The following ROBO1 variants were observed in gnomAD, a reference collection of about 807,000 sequenced individuals.
ROBO1 encodes the protein roundabout homolog 1.
Under a neutral mutation model 195.9 loss-of-function variants are expected in ROBO1, and 149 were observed. That is an observed-to-expected ratio of 0.76 (90% CI 0.67 to 0.87). The LOEUF (loss-of-function observed/expected upper bound fraction) is 0.87. Ranked by LOEUF, ROBO1 falls within the 40% of genes least tolerant of loss-of-function variation. The pLI, the probability that ROBO1 is intolerant of heterozygous loss-of-function variation, is 0.00. For synonymous variants in ROBO1, 816 were observed against 733.2 expected (o/e 1.11, Z -1.82); for missense variants, 1,933 against 2,068.3 (o/e 0.93, Z 1.27).
At chr3:79,213,776 G>A (rs549053818) in intron 2 of ROBO1, among the ~76,000 whole-genome samples, 1 of 146,256 alleles carries the variant, frequency 6.8e-6, no homozygotes, top group South Asian at 2.2e-4. Flanking sequence ...TTTTTGCCCA[G>A]TAAAAATCCA....
At chr3:79,672,419 G>A (rs751393689) in intron 1 of ROBO1, among the ~76,000 whole-genome samples, 13 of 151,968 alleles carry the variant, frequency 8.6e-5, no homozygotes, top group Non-Finnish European at 1.8e-4. Context: ...CCTTTAGACA[G>A]AATTCTAACA....
intron 2 of ROBO1, among the ~76,000 whole-genome samples, chr3:79,405,937 T>C (rs1262414198): frequency 6.6e-6 from 1 of 152,150 alleles, no homozygotes; most frequent in Non-Finnish European, 1.5e-5. Context: ...CAGTATTAAG[T>C]TCTTGGGGAA....
At chr3:79,760,583 G>A (rs1704646565) in intron 1 of ROBO1, among the ~76,000 whole-genome samples, 1 of 145,358 alleles carries the variant, frequency 6.9e-6, no homozygotes, top group Non-Finnish European at 1.5e-5. Context: ...CTAGAGAAAT[G>A]GGTAAAAATT....
At chr3:79,570,535 T>C (rs1453904952) in intron 2 of ROBO1, among the ~76,000 whole-genome samples, 1 of 152,058 alleles carries the variant, frequency 6.6e-6, no homozygotes, top group Non-Finnish European at 1.5e-5. Context: ...TGTACATAGC[T>C]AAAACAAAAT....
intron 4 of ROBO1, among the ~76,000 whole-genome samples, chr3:78,754,898 C>G (rs1388502527): frequency 6.6e-6 from 1 of 152,094 alleles, no homozygotes; most frequent in Non-Finnish European, 1.5e-5. Flanking sequence ...AAGTGCATTG[C>G]AGGCACAGGA....
chr3:78,717,715 A>G (rs774189604), intron 6 of ROBO1, 48 bp downstream of exon 6: 5 of 1,591,042 alleles, frequency 3.1e-6, no homozygotes, highest in South Asian at 2.3e-5. Context: ...ACACAAAATG[A>G]TAAGAGATCT....
At chr3:79,121,772 A>T (rs904187495) in intron 3 of ROBO1, among the ~76,000 whole-genome samples, 5 of 151,992 alleles carry the variant, frequency 3.3e-5, no homozygotes, top group African/African-American at 1.2e-4. Flanking sequence ...TATTTTAGAC[A>T]TTTCAAGTCA....
chr3:78,916,259 AAAAC>A (rs1423688915), intron 4 of ROBO1, among the ~76,000 whole-genome samples: 2 of 145,376 alleles, frequency 1.4e-5, no homozygotes, highest in Non-Finnish European at 1.5e-5. Flanking sequence ...AAAAAAAAAA[AAAAC>A]AACTTTATTC....
intron 2 of ROBO1, among the ~76,000 whole-genome samples, chr3:79,256,264 C>T (rs1255559135): frequency 2.0e-5 from 3 of 152,114 alleles, no homozygotes; most frequent in South Asian, 2.1e-4. Context: ...GGTTCTAATT[C>T]GGAAGAATCA....
intron 1 of ROBO1, among the ~76,000 whole-genome samples, chr3:79,626,946 G>A (rs1044259773): frequency 4.6e-5 from 7 of 152,018 alleles, no homozygotes; most frequent in Non-Finnish European, 8.8e-5. Flanking sequence ...AGCTAACAAG[G>A]GATGTGAAGG....
intron 2 of ROBO1, among the ~76,000 whole-genome samples, chr3:79,566,638 C>T (rs1030282390): frequency 2.0e-5 from 3 of 152,042 alleles, no homozygotes; most frequent in Admixed American, 6.6e-5. Context: ...AAAGGCGTGA[C>T]ACAAACTCCG....
chr3:78,832,279 C>G (rs1454581075), intron 4 of ROBO1, among the ~76,000 whole-genome samples: 1 of 152,176 alleles, frequency 6.6e-6, no homozygotes, highest in African/African-American at 2.4e-5. Flanking sequence ...CCTTTCTCCA[C>G]AGTCTCTTTC....
chr3:79,583,916 C>G (rs1386821259), intron 2 of ROBO1, among the ~76,000 whole-genome samples: 1 of 151,926 alleles, frequency 6.6e-6, no homozygotes. Flanking sequence ...TTTCTATTGA[C>G]TCTAGATATT....
chr3:79,180,321 T>G (rs1243287546), intron 2 of ROBO1, among the ~76,000 whole-genome samples: 1 of 152,232 alleles, frequency 6.6e-6, no homozygotes. Context: ...TTTCAGGCAC[T>G]GCCATAGCCA....
rs182913338 is a variant in ROBO1, at chr3:79,252,781, A to C, written c.89-127242T>G. Among the ~76,000 whole-genome samples the C allele has an allele frequency of 2.6e-3, 403 of 152,318 alleles. 2 individuals carry two copies. The highest frequency in any genetic ancestry group is 9.1e-3 in the African/African-American group (378 of 41,572). On this transcript the variant is annotated intron_variant, in intron 2 of 30. Transcript: ENST00000464233. The stretch of plus-strand genomic sequence containing the variant: ...ATATAGCCAAAAATGGCTCTTTAAA[A>C]AATTTTATAATCAGTTTATAAATCA...
intron 17 of ROBO1, among the ~76,000 whole-genome samples, chr3:78,658,378 C>T (rs1227499214): frequency 1.3e-5 from 2 of 152,184 alleles, no homozygotes; most frequent in Non-Finnish European, 2.9e-5. Context: ...GCAGCCTCCA[C>T]CTCCCGGGTT....
In ROBO1 at chr3:79,055,004, G is replaced by T. The variant is rs571056347; in HGVS notation, c.172+70452C>A. On this transcript the variant is annotated intron_variant, in intron 3 of 30. Transcript: ENST00000464233. ...CCACCTCCACAGTAGGGGGTAGGGT[G>T]GTCAATCTCTGTAGCACCATTCCTC... Among the ~76,000 whole-genome samples the T allele has an allele frequency of 1.4e-4, 21 of 152,174 alleles. No individual in the cohort carries two copies. In the East Asian group the frequency reaches 3.9e-3, roughly 28 times the overall value.
intron 2 of ROBO1, among the ~76,000 whole-genome samples, chr3:79,573,381 A>G (rs1055017367): frequency 2.0e-5 from 3 of 152,300 alleles, no homozygotes; most frequent in Non-Finnish European, 4.4e-5. Flanking sequence ...TAGAAAACAA[A>G]TAGTGAGTGC....
intron 2 of ROBO1, among the ~76,000 whole-genome samples, chr3:79,547,661 A>G (rs1942320802): frequency 2.0e-5 from 3 of 152,150 alleles, no homozygotes; most frequent in Admixed American, 1.3e-4. Flanking sequence ...AGCAGAGAGG[A>G]TGGTACTTAT....
Sources: allele counts gnomAD v4.1 joint callset (sites outside exome capture counted in the v4.1 genomes callset), GRCh38; gene constraint gnomAD v4.1.1; transcripts MANE v1.5; gene names NCBI Gene and HGNC (gene_info 2026-07-23, HGNC 2026-07-21).